AK7: variants seen among roughly 807,000 people sequenced by gnomAD.
The protein encoded by AK7 is ATP-AMP transphosphorylase 7.
AK7 carries 78 observed loss-of-function variants against 96.6 expected under a neutral mutation model. The observed-to-expected ratio is 0.81, with a 90% confidence interval of 0.67 to 0.97. The LOEUF (loss-of-function observed/expected upper bound fraction) is 0.97. AK7 is among the 50% of genes least tolerant of loss of function. The probability of loss-of-function intolerance (pLI) is 0.00; values close to 1 mark genes in which losing one functional copy is unlikely to be tolerated. For missense variants in AK7, 855 were observed against 887.9 expected (o/e 0.96, Z 0.47); for synonymous variants, 302 against 317.2 (o/e 0.95, Z 0.51).
chr14:96,446,449 T>C, intron 7 of AK7, 68 bp from the exon 8 acceptor site: 3 of 1,370,690 alleles, frequency 2.2e-6, no homozygotes, highest in Non-Finnish European at 3.1e-6. Flanking sequence ...TGGTGGTCAG[T>C]GAATTCTAGT....
chr14:96,482,910 A>G, intron 15 of AK7, 89 bp from the exon 16 acceptor site: 4 of 1,275,476 alleles, frequency 3.1e-6, no homozygotes, highest in Non-Finnish European at 4.5e-6. Context: ...ATAATTGACT[A>G]TCGCAAGTTT....
chr14:96,462,075 A>T (rs1357470223), intron 12 of AK7, among the ~76,000 whole-genome samples: 2 of 152,182 alleles, frequency 1.3e-5, no homozygotes, highest in Non-Finnish European at 2.9e-5. Context: ...CAGGCTCCAG[A>T]GGGCCTGTCC....
chr14:96,400,556 C>G (rs993001801), intron 2 of AK7, among the ~76,000 whole-genome samples: 6 of 152,212 alleles, frequency 3.9e-5, no homozygotes, highest in Non-Finnish European at 8.8e-5. Context: ...CTTCCTGCCC[C>G]TTCCTGGGCT....
At chr14:96,413,075 C>G (rs1891132250) in intron 4 of AK7, among the ~76,000 whole-genome samples, 1 of 152,102 alleles carries the variant, frequency 6.6e-6, no homozygotes, top group African/African-American at 2.4e-5. Context: ...AAGTTAACTC[C>G]AGGACTCTGG....
At chr14:96,421,145 G>C (rs1285394666) in intron 5 of AK7, among the ~76,000 whole-genome samples, 1 of 152,116 alleles carries the variant, frequency 6.6e-6, no homozygotes, top group Non-Finnish European at 1.5e-5. Context: ...CCCACAAAGG[G>C]GTCTGTGTGT....
intron 16 of AK7, among the ~76,000 whole-genome samples, chr14:96,483,785 G>A (rs79399415): frequency 0.013 from 1,977 of 152,228 alleles, 38 homozygotes; most frequent in African/African-American, 0.045. Context: ...ACAAATTCCT[G>A]TAAATGTGTA....
intron 10 of AK7, 101 bp downstream of exon 10, chr14:96,451,671 C>T (rs1423365748): frequency 8.3e-7 from 1 of 1,209,324 alleles, no homozygotes; most frequent in Non-Finnish European, 1.1e-6. Flanking sequence ...TTCAGACGTT[C>T]AAATTTCTAA....
At chr14:96,464,233 A>G (rs1385275734) in intron 12 of AK7, among the ~76,000 whole-genome samples, 1 of 152,030 alleles carries the variant, frequency 6.6e-6, no homozygotes, top group African/African-American at 2.4e-5. Context: ...GCCATACTAT[A>G]AACAGTGCTT....
At position 96,483,079 on chromosome 14, in the gene AK7, G is replaced by A. The variant is rs1895587707; in HGVS notation, c.1834G>A (p.Gly612Ser). The A allele has an allele frequency of 1.2e-6, 2 of 1,614,214 alleles. No individual in the cohort carries two copies. The highest frequency in any genetic ancestry group is 1.1e-5 in the South Asian group (1 of 91,074). Residue 612 changes from glycine (G) to serine (S), a missense_variant, in exon 16 of 18, where the codon GGT (glycine) becomes AGT (serine). Transcript: ENST00000267584. ...AGAGATTGGGGAGCCTCGAAATTAT[G>A]GTTTAACAGACGAAGAAAAGGCAGA... Reference protein sequence around the residue: ...IKEIGEPRNYGLTDEEKAEEE... With the variant: ...IKEIGEPRNYSLTDEEKAEEE...
At chr14:96,442,054 T>C (rs1282349630) in intron 6 of AK7, among the ~76,000 whole-genome samples, 1 of 152,198 alleles carries the variant, frequency 6.6e-6, no homozygotes, top group East Asian at 1.9e-4. Flanking sequence ...CTGTGACCCC[T>C]ACCCCTACCT....
chr14:96,457,583 C>T (rs1894003368), intron 11 of AK7, among the ~76,000 whole-genome samples: 1 of 152,076 alleles, frequency 6.6e-6, no homozygotes, highest in Non-Finnish European at 1.5e-5. Flanking sequence ...TTTAGTCTGC[C>T]TCCAGCTGTG....
At chr14:96,428,348 TA>T (rs1477771861) in intron 5 of AK7, among the ~76,000 whole-genome samples, 3 of 152,224 alleles carry the variant, frequency 2.0e-5, no homozygotes, top group African/African-American at 7.2e-5. Flanking sequence ...CACATTTTCT[TA>T]ATCCAGTTTA....
At chr14:96,479,000 C>A (rs1213405427) in intron 15 of AK7, among the ~76,000 whole-genome samples, 1 of 151,968 alleles carries the variant, frequency 6.6e-6, no homozygotes, top group Non-Finnish European at 1.5e-5. Flanking sequence ...CCTCTGCTTC[C>A]CGGGTTCAAG....
chr14:96,400,902 T>A (rs1890371501), intron 2 of AK7, among the ~76,000 whole-genome samples: 1 of 152,208 alleles, frequency 6.6e-6, no homozygotes, highest in African/African-American at 2.4e-5. Flanking sequence ...AATGTAAGTT[T>A]GTAGACAACG....
intron 12 of AK7, among the ~76,000 whole-genome samples, chr14:96,467,058 A>AAG (rs1159821783): frequency 6.6e-6 from 1 of 151,938 alleles, no homozygotes; most frequent in East Asian, 1.9e-4. Context: ...AAAAAAAAAA[A>AAG]AAAAGGCAAA....
chr14:96,457,250 G>A (rs939708910), intron 11 of AK7, among the ~76,000 whole-genome samples: 4 of 151,632 alleles, frequency 2.6e-5, no homozygotes, highest in East Asian at 1.9e-4. Context: ...TAGTAGAGAC[G>A]GGGTTTCACC....
chr14:96,416,359 C>T (rs1891348125), intron 4 of AK7, among the ~76,000 whole-genome samples: 1 of 151,538 alleles, frequency 6.6e-6, no homozygotes, highest in East Asian at 1.9e-4. Context: ...TGCACTCCAG[C>T]CTGGAGACAG....
intron 15 of AK7, 147 bp from the exon 16 acceptor site, chr14:96,482,852 C>T (rs1895572969): frequency 1.1e-6 from 1 of 881,338 alleles, no homozygotes; most frequent in Non-Finnish European, 1.7e-6. Flanking sequence ...AGAAGAAATT[C>T]TGAACTATGC....
At chr14:96,426,131 C>A (rs2140055023) in intron 5 of AK7, among the ~76,000 whole-genome samples, 1 of 152,170 alleles carries the variant, frequency 6.6e-6, no homozygotes, top group South Asian at 2.1e-4. Flanking sequence ...TGGTGATTTT[C>A]TCTGGTGATA....
Sources: gnomAD v4.1 joint callset for allele counts (sites outside exome capture counted in the v4.1 genomes callset) on GRCh38, gnomAD v4.1.1 for gene constraint, MANE v1.5 for transcripts, NCBI Gene and HGNC (gene_info 2026-07-23, HGNC 2026-07-21) for gene names.